DPP6: variants seen among roughly 807,000 people sequenced by gnomAD.
DPP6 encodes A-type potassium channel modulatory protein DPP6.
DPP6 carries 69 observed loss-of-function variants against 122.6 expected under a neutral mutation model. The ratio of observed to expected loss-of-function variants is 0.56; its 90% CI spans 0.46 to 0.69. The LOEUF is 0.69. Among genes scored for constraint, DPP6 ranks in the 30% least tolerant of loss-of-function variants. The probability of loss-of-function intolerance (pLI) is 0.00; values close to 1 mark genes in which losing one functional copy is unlikely to be tolerated. For synonymous variants in DPP6, 418 were observed against 433.1 expected (o/e 0.97, Z 0.43); for missense variants, 928 against 1,116.9 (o/e 0.83, Z 2.41).
At chr7:154,441,980 T>C (rs1386009005) in intron 1 of DPP6, among the ~76,000 whole-genome samples, 3 of 152,256 alleles carry the variant, frequency 2.0e-5, no homozygotes, top group Non-Finnish European at 4.4e-5. Flanking sequence ...GCAGCAGTGA[T>C]GTCGCAAAGG....
At chr7:154,396,097 A>T (rs2151175571) in intron 1 of DPP6, among the ~76,000 whole-genome samples, 1 of 152,264 alleles carries the variant, frequency 6.6e-6, no homozygotes, top group Non-Finnish European at 1.5e-5. Context: ...AATTGACCTG[A>T]TTTAACTCTC....
chr7:154,326,765 A>C (rs775783244), intron 1 of DPP6, among the ~76,000 whole-genome samples: 1 of 152,256 alleles, frequency 6.6e-6, no homozygotes, highest in African/African-American at 2.4e-5. Context: ...TAGCTGTTCA[A>C]TGCTAATTCA....
chr7:154,082,307 T>C (rs1017540287), intron 1 of DPP6, among the ~76,000 whole-genome samples: 10 of 152,160 alleles, frequency 6.6e-5, no homozygotes, highest in African/African-American at 1.2e-4. Context: ...CATTGTATCA[T>C]AGGGGTTGTT....
At chr7:154,426,989 C>T (rs773960312) in intron 1 of DPP6, among the ~76,000 whole-genome samples, 1 of 152,062 alleles carries the variant, frequency 6.6e-6, no homozygotes, top group Non-Finnish European at 1.5e-5. Flanking sequence ...TAACAATGCC[C>T]TTTATTTGTG....
chr7:154,346,080 G>A (rs186237415), intron 1 of DPP6, among the ~76,000 whole-genome samples: 1 of 152,210 alleles, frequency 6.6e-6, no homozygotes, highest in East Asian at 1.9e-4. Flanking sequence ...CAATCCTTGA[G>A]AAAATGGGCC....
intron 1 of DPP6, among the ~76,000 whole-genome samples, chr7:154,339,667 G>A (rs1809752028): frequency 6.6e-6 from 1 of 151,914 alleles, no homozygotes; most frequent in South Asian, 2.1e-4. Flanking sequence ...ATTGGGTTAG[G>A]AAGTTTGCAG....
the DPP6 span, among the ~76,000 whole-genome samples, chr7:153,803,780 T>C: frequency 6.6e-6 from 1 of 151,632 alleles, no homozygotes; most frequent in Admixed American, 6.6e-5. Context: ...TATATGGAGA[T>C]ATACACAAAC....
intron 8 of DPP6, among the ~76,000 whole-genome samples, chr7:154,757,088 C>A (rs1487980574): frequency 6.6e-6 from 1 of 150,506 alleles, no homozygotes; most frequent in South Asian, 2.1e-4. Context: ...GAAGAACTGG[C>A]CAGCCCTTTC....
chr7:154,450,533 C>T (rs542132930), intron 2 of DPP6, among the ~76,000 whole-genome samples: 4 of 147,470 alleles, frequency 2.7e-5, no homozygotes, highest in South Asian at 4.3e-4. Flanking sequence ...GCCTTAAAAA[C>T]TTGTGTAACT....
chr7:153,920,326 A>G (rs1054643264), intron 1 of DPP6, among the ~76,000 whole-genome samples: 3 of 152,224 alleles, frequency 2.0e-5, no homozygotes, highest in African/African-American at 7.2e-5. Flanking sequence ...GAGAACCGAC[A>G]AGCAACTGGC....
intron 7 of DPP6, among the ~76,000 whole-genome samples, chr7:154,671,586 T>G (rs1479201152): frequency 6.6e-6 from 1 of 152,138 alleles, no homozygotes; most frequent in Non-Finnish European, 1.5e-5. Flanking sequence ...GAACAGCTTG[T>G]AACATAAAGG....
chr7:154,259,922 A>G (rs1802887514), intron 1 of DPP6, among the ~76,000 whole-genome samples: 1 of 152,192 alleles, frequency 6.6e-6, no homozygotes, highest in Non-Finnish European at 1.5e-5. Flanking sequence ...ACGGGCACCC[A>G]GTGAGCTCAA....
At chr7:154,775,129 G>C (rs1197434737) in intron 10 of DPP6, among the ~76,000 whole-genome samples, 1 of 152,154 alleles carries the variant, frequency 6.6e-6, no homozygotes. Flanking sequence ...AGTGTCCCCA[G>C]ATTGAGGACT....
At chr7:154,265,244 T>C (rs1449222543) in intron 1 of DPP6, among the ~76,000 whole-genome samples, 2 of 151,648 alleles carry the variant, frequency 1.3e-5, no homozygotes, top group African/African-American at 4.8e-5. Context: ...AGTGATGATG[T>C]TGATGGTGTT....
intron 1 of DPP6, among the ~76,000 whole-genome samples, chr7:154,130,852 A>C (rs1795239084): frequency 6.6e-6 from 1 of 152,180 alleles, no homozygotes. Flanking sequence ...TAGCCCCTGC[A>C]AGACGCCAAA....
intron 1 of DPP6, among the ~76,000 whole-genome samples, chr7:154,433,256 C>A (rs1818590624): frequency 6.7e-6 from 1 of 148,188 alleles, no homozygotes; most frequent in African/African-American, 2.5e-5. Context: ...AGCAATTCTC[C>A]TGTCTCAGCC....
intron 1 of DPP6, among the ~76,000 whole-genome samples, chr7:154,061,532 G>A (rs1175942561): frequency 2.0e-5 from 3 of 146,868 alleles, no homozygotes; most frequent in Non-Finnish European, 4.6e-5. Context: ...TGATTCTTGG[G>A]CAAAACCTGA....
At chr7:153,923,221 T>C (rs549173343) in intron 1 of DPP6, among the ~76,000 whole-genome samples, 1 of 152,318 alleles carries the variant, frequency 6.6e-6, no homozygotes, top group African/African-American at 2.4e-5. Context: ...AGTCTCTTTA[T>C]GTTGAAAATT....
At chr7:154,568,573 T>A (rs1285493486) in intron 5 of DPP6, among the ~76,000 whole-genome samples, 1 of 152,084 alleles carries the variant, frequency 6.6e-6, no homozygotes, top group Non-Finnish European at 1.5e-5. Context: ...ATGATACAAT[T>A]CTCCACCACT....
Sources: gnomAD v4.1 joint callset for allele counts (sites outside exome capture counted in the v4.1 genomes callset) on GRCh38, gnomAD v4.1.1 for gene constraint, MANE v1.5 for transcripts, NCBI Gene and HGNC (gene_info 2026-07-23, HGNC 2026-07-21) for gene names.